PPP1R9A: variants seen among roughly 807,000 people sequenced by gnomAD.
PPP1R9A encodes the protein neurabin-1.
PPP1R9A carries 59 observed loss-of-function variants against 141.9 expected under a neutral mutation model. The observed-to-expected ratio is 0.42, with a 90% CI of 0.34 to 0.52. The LOEUF (loss-of-function observed/expected upper bound fraction) is 0.52, where lower values mean the gene tolerates loss of function less well. Among genes scored for constraint, PPP1R9A ranks in the 20% least tolerant of loss-of-function variants. PPP1R9A has a pLI of 0.10. For synonymous variants in PPP1R9A, 500 were observed against 569.7 expected, an observed-to-expected ratio of 0.88 and a Z score of 1.74; for missense variants, 1,444 against 1,611.9, an observed-to-expected ratio of 0.90 and a Z score of 1.78.
chr7:94,980,422 A>C (rs936357451), intron 2 of PPP1R9A, among the ~76,000 whole-genome samples: 1 of 152,076 alleles, frequency 6.6e-6, no homozygotes, highest in Non-Finnish European at 1.5e-5. Flanking sequence ...TTACTTTTAC[A>C]TTGTACAGTA....
At chr7:95,150,154 C>CA (rs36047908) in intron 4 of PPP1R9A, among the ~76,000 whole-genome samples, 2,623 of 92,318 alleles carry the variant, frequency 0.028, 59 homozygotes, top group African/African-American at 0.065. Context: ...ATCCCCCTGC[C>CA]AAAAAAAAAA....
At chr7:95,006,076 A>G (rs772372083) in intron 2 of PPP1R9A, among the ~76,000 whole-genome samples, 1 of 152,002 alleles carries the variant, frequency 6.6e-6, no homozygotes, top group Non-Finnish European at 1.5e-5. Flanking sequence ...AAATGTCTTA[A>G]TGTTCTCTCT....
intron 2 of PPP1R9A, among the ~76,000 whole-genome samples, chr7:94,983,448 C>T (rs1102939): frequency 0.39 from 59,314 of 151,896 alleles, 12,449 homozygotes; most frequent in Middle Eastern, 0.51. Context: ...GATACTGATT[C>T]TTCCTATCCA....
At chr7:95,082,656 C>T (rs1470358578) in intron 2 of PPP1R9A, among the ~76,000 whole-genome samples, 1 of 151,436 alleles carries the variant, frequency 6.6e-6, no homozygotes, top group Admixed American at 6.6e-5. Flanking sequence ...GGGAGGATGG[C>T]TTGAGCCCTG....
intron 3 of PPP1R9A, among the ~76,000 whole-genome samples, chr7:95,120,117 C>T (rs150470793): frequency 0.015 from 2,248 of 151,884 alleles, 50 homozygotes; most frequent in African/African-American, 0.052. Flanking sequence ...CCCCCACACC[C>T]GGCTAACTTT....
intron 2 of PPP1R9A, among the ~76,000 whole-genome samples, chr7:95,024,843 C>T (rs1806570354): frequency 2.0e-5 from 3 of 152,030 alleles, no homozygotes; most frequent in Non-Finnish European, 4.4e-5. Flanking sequence ...TTATTTTGCC[C>T]ATTAGTTGAT....
rs11438512 is a variant in PPP1R9A, at chr7:95,038,111, T to TAA, written c.1396-73137_1396-73136dup. 4.9e-5 allele frequency among the ~76,000 whole-genome samples: 7 copies of TAA among 142,848 alleles called. No individual in the cohort carries two copies. In the South Asian group the frequency reaches 6.7e-4, roughly 14 times the overall value. The allele number at this position is 142,848 out of a possible 152,430, so 93.7% of individuals were successfully genotyped here. A position where few individuals can be genotyped will look rare whatever the true frequency, so the allele number is the denominator to read the frequency against. On this transcript the variant is annotated intron_variant, in intron 2 of 19. Transcript: ENST00000433360. Reference sequence around the variant, plus strand: ...TGGGTGACAGAACAAGACCATGTCTTAAAAAAAAAAAAGACGTTATTATTC... The same window carrying TAA: ...TGGGTGACAGAACAAGACCATGTCTTAAAAAAAAAAAAAAGACGTTATTATTC...
At chr7:95,022,818 A>C (rs1014164814) in intron 2 of PPP1R9A, among the ~76,000 whole-genome samples, 3 of 152,300 alleles carry the variant, frequency 2.0e-5, no homozygotes, top group African/African-American at 7.2e-5. Flanking sequence ...CTTGCATCTC[A>C]GGGATGAAGC....
Position 94,979,928 on chromosome 7 carries a change from C to T in PPP1R9A, c.1395+68420C>T, listed in dbSNP as rs17147487. On this transcript the variant is annotated intron_variant, in intron 2 of 19. Coordinates refer to ENST00000433360, the MANE Select transcript of PPP1R9A (RefSeq NM_001166160.2). ...GGTATTTTTTTTTGGTTTTGGGGTA[C>T]CTTTTTAGTATTTACCTGTAAGGAT... 3.8e-3 allele frequency among the ~76,000 whole-genome samples: 583 copies of T among 151,786 alleles called. 22 individuals are homozygous for T. The highest frequency in any genetic ancestry group is 0.034 in the East Asian group (175 of 5,168).
chr7:94,944,579 A>C (rs1287271985), intron 2 of PPP1R9A, among the ~76,000 whole-genome samples: 1 of 152,046 alleles, frequency 6.6e-6, no homozygotes, highest in Non-Finnish European at 1.5e-5. Flanking sequence ...TGTAGAGTTA[A>C]ACTGACTAAA....
chr7:95,028,496 G>T (rs1326835116), intron 2 of PPP1R9A, among the ~76,000 whole-genome samples: 3 of 152,014 alleles, frequency 2.0e-5, no homozygotes, highest in Non-Finnish European at 4.4e-5. Context: ...TTAATATATT[G>T]TTCATGTAAT....
In PPP1R9A at chr7:94,985,421, G is replaced by A. The variant is rs149092793; in HGVS notation, c.1395+73913G>A. On this transcript the variant is annotated intron_variant, in intron 2 of 19. Coordinates refer to ENST00000433360, the MANE Select transcript of PPP1R9A (RefSeq NM_001166160.2). ...TTGATCTGTCTAATATTCACAGTGG[G>A]GTATTAAAGTCTCCCATTATTATTG... Among the ~76,000 whole-genome samples, 31 of 152,056 alleles carry A rather than the reference G, an allele frequency of 2.0e-4. No individual in the cohort carries two copies. In the East Asian group the frequency reaches 6.0e-3, roughly 29 times the overall value.
chr7:94,930,943 TCA>T (rs1298256882), intron 2 of PPP1R9A, among the ~76,000 whole-genome samples: 3 of 152,206 alleles, frequency 2.0e-5, no homozygotes. Flanking sequence ...GGCTTAGCTG[TCA>T]GTTTTGCAGG....
At chr7:95,075,824 G>A (rs929388068) in intron 2 of PPP1R9A, among the ~76,000 whole-genome samples, 2 of 151,874 alleles carry the variant, frequency 1.3e-5, no homozygotes, top group Admixed American at 6.6e-5. Context: ...GCGACAGAGC[G>A]AGACTCCATC....
intron 7 of PPP1R9A, among the ~76,000 whole-genome samples, chr7:95,218,421 G>T (rs1793843747): frequency 6.6e-6 from 1 of 152,146 alleles, no homozygotes; most frequent in African/African-American, 2.4e-5. Flanking sequence ...GTGCGATGTG[G>T]TGCTGAGAAG....
chr7:95,235,207 A>T (rs1796509430), intron 8 of PPP1R9A, among the ~76,000 whole-genome samples: 1 of 152,198 alleles, frequency 6.6e-6, no homozygotes, highest in African/African-American at 2.4e-5. Flanking sequence ...AGTGAAAGAA[A>T]CAATCAGCAG....
At chr7:95,143,114 T>C (rs1311363898) in intron 4 of PPP1R9A, among the ~76,000 whole-genome samples, 1 of 152,142 alleles carries the variant, frequency 6.6e-6, no homozygotes, top group Non-Finnish European at 1.5e-5. Flanking sequence ...CACATTAGGG[T>C]TAGACCAAGT....
rs1448001982 is a variant in PPP1R9A, at chr7:95,268,794, A to G, written c.2823+87A>G. ...TATTGAAGATTATGATTTTTCTGCA[A>G]ACAGAGTCTATGTCCTAGTTGGTAA... On this transcript the variant is annotated intron_variant, in intron 13 of 19. Coordinates refer to ENST00000433360, the MANE Select transcript of PPP1R9A (RefSeq NM_001166160.2). 6.0e-6 allele frequency: 9 copies of G among 1,488,066 alleles called. No individual in the cohort carries two copies. The Admixed American group carries it at 1.9e-4, about 31-fold the overall frequency. 92.2% of individuals were successfully genotyped at this position (1,488,066 alleles called of 1,614,324 possible).
intron 2 of PPP1R9A, among the ~76,000 whole-genome samples, chr7:95,053,375 C>T (rs959385043): frequency 6.6e-6 from 1 of 152,156 alleles, no homozygotes; most frequent in Non-Finnish European, 1.5e-5. Flanking sequence ...TTGAACCTCA[C>T]ACTAAGGAAG....
Sources: gnomAD v4.1 joint callset for allele counts (sites outside exome capture counted in the v4.1 genomes callset) on GRCh38, gnomAD v4.1.1 for gene constraint, MANE v1.5 for transcripts, NCBI Gene and HGNC (gene_info 2026-07-23, HGNC 2026-07-21) for gene names.